The following CENPI variants were observed in gnomAD, a reference collection of about 807,000 sequenced individuals.
CENPI encodes FSH primary response 1.
A neutral mutation model predicts 60.4 loss-of-function variants in CENPI; 4 were observed. That is an observed-to-expected ratio of 0.07 (90% CI 0.03 to 0.15). The LOEUF is 0.15. Among genes scored for constraint, CENPI ranks in the 10% least tolerant of loss-of-function variants. The probability of loss-of-function intolerance (pLI) is 1.00; values close to 1 mark genes in which losing one functional copy is unlikely to be tolerated. For missense variants in CENPI, 444 were observed against 534.5 expected (o/e 0.83, Z 1.67); for synonymous variants, 157 against 189.4 (o/e 0.83, Z 1.40).
chrX:101,118,295 G>T (rs2089643531), intron 6 of CENPI, among the ~76,000 whole-genome samples: 1 of 111,750 alleles, frequency 8.9e-6, no homozygotes, highest in Admixed American at 9.5e-5. Context: ...AAGGATGCAG[G>T]ATGCTCATCC....
At chrX:101,110,116 C>G in intron 6 of CENPI, 118 bp downstream of exon 6, 1 of 386,963 alleles carries the variant, frequency 2.6e-6, no homozygotes, top group Non-Finnish European at 4.3e-6. Context: ...AAAAATATAT[C>G]AAACATATAG....
intron 16 of CENPI, among the ~76,000 whole-genome samples, 166 bp from the exon 17 acceptor site, chrX:101,144,898 T>C (rs2089949916): frequency 8.9e-6 from 1 of 112,018 alleles, no homozygotes; most frequent in Non-Finnish European, 1.9e-5. Flanking sequence ...CTAAGTGTAG[T>C]TTTATGATTA....
intron 18 of CENPI, among the ~76,000 whole-genome samples, chrX:101,146,492 C>A (rs887380390): frequency 9.0e-6 from 1 of 111,208 alleles, no homozygotes; most frequent in Admixed American, 9.7e-5. Context: ...AAAAAAAATT[C>A]ATAGTTAAGG....
At chrX:101,176,799 T>C in the CENPI span, among the ~76,000 whole-genome samples, 2 of 113,133 alleles carry the variant, frequency 1.8e-5, no homozygotes, top group African/African-American at 3.2e-5. Flanking sequence ...TGTTTTTGTT[T>C]CTGTGCTTTC....
chrX:101,105,693 G>A (rs2089475984), intron 4 of CENPI, among the ~76,000 whole-genome samples: 1 of 111,009 alleles, frequency 9.0e-6, no homozygotes, highest in Admixed American at 9.7e-5. Flanking sequence ...TCCCATCTCA[G>A]ACTCCCAAGT....
chrX:101,134,037 G>T (rs1430716097), intron 15 of CENPI, among the ~76,000 whole-genome samples: 1 of 111,865 alleles, frequency 8.9e-6, no homozygotes, highest in East Asian at 2.8e-4. Flanking sequence ...ACCAGGGGAA[G>T]TTGTTTGTTT....
chrX:101,139,443 C>T (rs1266054208), intron 15 of CENPI, among the ~76,000 whole-genome samples: 2 of 110,913 alleles, frequency 1.8e-5, no homozygotes, highest in African/African-American at 6.6e-5. Flanking sequence ...ACCGTGTACC[C>T]ACAAAAATTA....
At chrX:101,156,111 CAAGTA>C (rs1783197542) in intron 20 of CENPI, among the ~76,000 whole-genome samples, 1 of 110,667 alleles carries the variant, frequency 9.0e-6, no homozygotes, top group African/African-American at 3.3e-5. Context: ...CTCCTGGGTT[CAAGTA>C]ATTCTCCTGT....
intron 6 of CENPI, among the ~76,000 whole-genome samples, chrX:101,118,881 C>A (rs2148169258): frequency 9.0e-6 from 1 of 111,656 alleles, no homozygotes; most frequent in Admixed American, 9.5e-5. Context: ...TGTATTCTTT[C>A]TTTTAAAAAA....
chrX:101,127,173 G>C lies in CENPI; in HGVS notation c.813G>C (p.Thr271=), dbSNP rs148218470. Residue 271 remains threonine, a synonymous_variant, in exon 10 of 22, where the codon ACG becomes ACC. Coordinates refer to ENST00000682095, the MANE Select transcript of CENPI (RefSeq NM_001386188.2). ...AGAATTCAGAGAATCTATGGAAGAC[G>C]GCTCTGCTTGCCGTGAAGCAAAGAA... The part of the protein sequence containing the change: ...YFKNSENLWK[T]ALLAVKQRNR... 1.7e-6 allele frequency: 2 copies of C among 1,186,030 alleles called. No homozygotes were observed. Among genetic ancestry groups the C allele is most frequent in the Non-Finnish European group, 2.3e-6 (2 of 882,533 alleles).
At chrX:101,180,481 T>C in the CENPI span, among the ~76,000 whole-genome samples, 1 of 111,633 alleles carries the variant, frequency 9.0e-6, no homozygotes, top group Non-Finnish European at 1.9e-5. Context: ...GGTTGTCGAG[T>C]TCGAAGACAT....
downstream of CENPI, among the ~76,000 whole-genome samples, chrX:101,169,527 A>C (rs1322730309): frequency 9.0e-6 from 1 of 110,723 alleles, no homozygotes; most frequent in Non-Finnish European, 1.9e-5. Context: ...CAGCACATAC[A>C]GTTATGTACA....
chrX:101,098,712 G>A (rs550485140), intron 2 of CENPI, 173 bp downstream of exon 2: 1 of 111,272 alleles, frequency 9.0e-6, no homozygotes, highest in South Asian at 3.8e-4. Context: ...TACACCCTAG[G>A]CCTAGTGCAG....
intron 20 of CENPI, among the ~76,000 whole-genome samples, chrX:101,158,735 A>G (rs1012758911): frequency 9.1e-6 from 1 of 109,652 alleles, no homozygotes; most frequent in South Asian, 4.0e-4. Flanking sequence ...GGTTCAAGTG[A>G]TTCTCATGCC....
At chrX:101,124,764 G>A (rs187683001) in intron 8 of CENPI, among the ~76,000 whole-genome samples, 1 of 111,622 alleles carries the variant, frequency 9.0e-6, no homozygotes, top group East Asian at 2.8e-4. Context: ...TCCTGCCATC[G>A]TGTGAAGAAG....
chrX:101,150,310 T>C (rs1303108355), intron 20 of CENPI, among the ~76,000 whole-genome samples: 1 of 108,591 alleles, frequency 9.2e-6, no homozygotes, highest in African/African-American at 3.4e-5. Context: ...GTATTTTACA[T>C]GCAGTTAGGT....
At chrX:101,138,357 G>C (rs1191981824) in intron 15 of CENPI, among the ~76,000 whole-genome samples, 4 of 100,689 alleles carry the variant, frequency 4.0e-5, no homozygotes, top group Non-Finnish European at 6.0e-5. Context: ...TTTTTTTTTT[G>C]ATACGGAGTC....
chrX:101,170,841 A>T (rs922274024), downstream of CENPI, among the ~76,000 whole-genome samples: 10 of 110,433 alleles, frequency 9.1e-5, no homozygotes, highest in Non-Finnish European at 1.9e-4. Flanking sequence ...CGTGTTGCTC[A>T]GGCTGGTCTT....
At chrX:101,128,000 C>T (rs1292790489) in intron 11 of CENPI, among the ~76,000 whole-genome samples, 2 of 111,029 alleles carry the variant, frequency 1.8e-5, no homozygotes. Context: ...GAGTTCAAGA[C>T]CAGCCTGGCC....
Sources: gnomAD v4.1 joint callset for allele counts (sites outside exome capture counted in the v4.1 genomes callset) on GRCh38, gnomAD v4.1.1 for gene constraint, MANE v1.5 for transcripts, NCBI Gene and HGNC (gene_info 2026-07-23, HGNC 2026-07-21) for gene names.